The following EBF2 variants were observed in gnomAD, a reference collection of about 807,000 sequenced individuals.
EBF2 encodes the protein transcription factor COE2.
In EBF2, 21 loss-of-function variants were observed where a neutral mutation model predicts 72.8. That is an observed-to-expected ratio of 0.29 (90% CI 0.20 to 0.42). The LOEUF (loss-of-function observed/expected upper bound fraction) is 0.42, where lower values mean the gene tolerates loss of function less well. Among genes scored for constraint, EBF2 ranks in the 10% least tolerant of loss-of-function variants. The pLI is 1.00. For synonymous variants in EBF2, 299 were observed against 274.2 expected, an observed-to-expected ratio of 1.09 and a Z score of -0.89; for missense variants, 637 against 731.2, an observed-to-expected ratio of 0.87 and a Z score of 1.49.
At chr8:25,875,979 T>C (rs995960770) in intron 10 of EBF2, among the ~76,000 whole-genome samples, 1 of 152,200 alleles carries the variant, frequency 6.6e-6, no homozygotes, top group African/African-American at 2.4e-5. Flanking sequence ...TGTTGAAGCA[T>C]GTTCACAAAA....
At chr8:25,866,933 A>G (rs1281232041) in intron 10 of EBF2, among the ~76,000 whole-genome samples, 1 of 151,998 alleles carries the variant, frequency 6.6e-6, no homozygotes, top group African/African-American at 2.4e-5. Flanking sequence ...CGCCTGGCCT[A>G]TATTTTATAT....
chr8:25,951,868 T>C (rs1480464645), intron 6 of EBF2, among the ~76,000 whole-genome samples: 1 of 152,190 alleles, frequency 6.6e-6, no homozygotes, highest in Non-Finnish European at 1.5e-5. Context: ...AGATGAACAT[T>C]CAGAATTCGT....
At chr8:26,003,393 T>C (rs148973545) in intron 6 of EBF2, among the ~76,000 whole-genome samples, 53 of 152,318 alleles carry the variant, frequency 3.5e-4, no homozygotes, top group African/African-American at 1.2e-3. Context: ...GCTTCAACTT[T>C]TCTTGTTACT....
chr8:25,866,636 T>TATATAATG (rs1491353316), intron 10 of EBF2, among the ~76,000 whole-genome samples: 27 of 48,138 alleles, frequency 5.6e-4, no homozygotes, highest in Admixed American at 5.5e-3. Flanking sequence ...TATATATATA[T>TATATAATG]TTTTTTTTTT....
chr8:25,843,835 G>C lies in EBF2; in HGVS notation c.*774C>G, dbSNP rs183680178. ...GGTCAATAAAGTGATGGAAAAGGAG[G>C]GGGTGCAGGACAGGGGATAAGAATC... On this transcript the variant is annotated 3_prime_UTR_variant, in exon 16 of 16. Transcript: ENST00000520164. 6.6e-6 allele frequency: 1 copy of C among 152,042 alleles called. No homozygotes were observed. The highest frequency in any genetic ancestry group is 1.9e-4 in the East Asian group (1 of 5,188). The allele number at this position is 152,042 out of a possible 1,614,324, so 9.4% of individuals were successfully genotyped here.
intron 6 of EBF2, among the ~76,000 whole-genome samples, chr8:25,948,878 C>T (rs1803813331): frequency 6.6e-6 from 1 of 152,154 alleles, no homozygotes; most frequent in Non-Finnish European, 1.5e-5. Flanking sequence ...TGGCTTTAAT[C>T]CAAACTCTAA....
intron 7 of EBF2, among the ~76,000 whole-genome samples, chr8:25,894,034 C>T (rs1802827147): frequency 6.6e-6 from 1 of 152,138 alleles, no homozygotes; most frequent in Non-Finnish European, 1.5e-5. Flanking sequence ...AGATATGAGG[C>T]AAGTTCCAGG....
chr8:25,918,409 T>C (rs1479126173), intron 6 of EBF2, among the ~76,000 whole-genome samples: 1 of 152,214 alleles, frequency 6.6e-6, no homozygotes, highest in East Asian at 1.9e-4. Context: ...AATTTCTAAA[T>C]TAAACTATGA....
chr8:25,843,861 T>G lies in EBF2; in HGVS notation c.*748A>C, dbSNP rs1413285160. On this transcript the variant is annotated 3_prime_UTR_variant, in exon 16 of 16. Coordinates refer to ENST00000520164, the MANE Select transcript of EBF2 (RefSeq NM_022659.4). ...GGGTGCAGGACAGGGGATAAGAATC[T>G]AGTAAGTAACTGCAGTAATAATCAC... is the stretch of plus-strand genomic sequence containing the variant. The G allele has an allele frequency of 1.3e-5, 2 of 152,156 alleles. No homozygotes were observed. The highest frequency in any genetic ancestry group is 2.9e-5 in the Non-Finnish European group (2 of 68,036). 9.4% of individuals were successfully genotyped at this position (152,156 alleles called of 1,614,324 possible). A position where few individuals can be genotyped will look rare whatever the true frequency, so the allele number is the denominator to read the frequency against.
intron 6 of EBF2, among the ~76,000 whole-genome samples, chr8:25,974,698 G>C (rs1173093654): frequency 6.6e-6 from 1 of 152,068 alleles, no homozygotes; most frequent in African/African-American, 2.4e-5. Context: ...GAACTTGGAC[G>C]GCAAAATAAT....
At chr8:25,886,687 C>T (rs1802694015) in intron 10 of EBF2, 68 bp downstream of exon 10, 1 of 1,516,990 alleles carries the variant, frequency 6.6e-7, no homozygotes, top group Admixed American at 2.0e-5. Context: ...TTACAAAGTG[C>T]AGATACTGGG....
At chr8:25,951,512 T>C (rs566534886) in intron 6 of EBF2, among the ~76,000 whole-genome samples, 45 of 152,340 alleles carry the variant, frequency 3.0e-4, no homozygotes, top group African/African-American at 1.0e-3. Context: ...ATGATGGCTC[T>C]GTCCAAATAA....
intron 6 of EBF2, among the ~76,000 whole-genome samples, chr8:25,940,186 A>G (rs1043705614): frequency 1.3e-5 from 2 of 152,228 alleles, no homozygotes; most frequent in Non-Finnish European, 2.9e-5. Context: ...CAGCCCCTAC[A>G]TTCTACTAAA....
At chr8:25,850,812 T>C in intron 14 of EBF2, 51 bp from the exon 15 acceptor site, 2 of 1,525,950 alleles carry the variant, frequency 1.3e-6, no homozygotes, top group Non-Finnish European at 1.7e-6. Context: ...CTTCCTTCAG[T>C]TCACACATTT....
At chr8:26,031,022 C>T (rs1026580964) in intron 6 of EBF2, among the ~76,000 whole-genome samples, 3 of 152,194 alleles carry the variant, frequency 2.0e-5, no homozygotes, top group Non-Finnish European at 4.4e-5. Flanking sequence ...AAAGTAAGAG[C>T]TCCTGCTTAG....
At chr8:25,861,509 T>C (rs1247790726) in intron 11 of EBF2, 135 bp from the exon 12 acceptor site, 1 of 873,384 alleles carries the variant, frequency 1.1e-6, no homozygotes, top group East Asian at 2.6e-5. Context: ...GTCCTATATT[T>C]GGTTTGACAG....
intron 6 of EBF2, among the ~76,000 whole-genome samples, chr8:25,961,742 G>A (rs1804038828): frequency 6.6e-6 from 1 of 152,150 alleles, no homozygotes; most frequent in Admixed American, 6.5e-5. Flanking sequence ...CCTAAACTGT[G>A]AATTTTTCTT....
intron 14 of EBF2, among the ~76,000 whole-genome samples, chr8:25,855,021 A>T (rs1802059090): frequency 6.6e-6 from 1 of 152,182 alleles, no homozygotes; most frequent in Non-Finnish European, 1.5e-5. Flanking sequence ...TTGGGACTGC[A>T]GAGAGAACCA....
chr8:25,909,369 A>C (rs1803089327), intron 6 of EBF2, among the ~76,000 whole-genome samples: 1 of 151,600 alleles, frequency 6.6e-6, no homozygotes, highest in African/African-American at 2.4e-5. Flanking sequence ...AAATACAGTA[A>C]GTTTTTCATT....
Sources: gnomAD v4.1 joint callset for allele counts (sites outside exome capture counted in the v4.1 genomes callset) on GRCh38, gnomAD v4.1.1 for gene constraint, MANE v1.5 for transcripts, NCBI Gene and HGNC (gene_info 2026-07-23, HGNC 2026-07-21) for gene names.